Variants in NRCAM observed in about 807,000 individuals in gnomAD.
NRCAM encodes NgCAM-related cell adhesion molecule.
Under a neutral mutation model 156.5 loss-of-function variants are expected in NRCAM, and 83 were observed. That is an observed-to-expected ratio of 0.53 (90% CI 0.44 to 0.64). The LOEUF (loss-of-function observed/expected upper bound fraction) is 0.64. Among genes scored for constraint, NRCAM ranks in the 30% least tolerant of loss-of-function variants. NRCAM has a pLI of 0.00. For missense variants in NRCAM, 1,417 were observed against 1,597.3 expected, an observed-to-expected ratio of 0.89 and a Z score of 1.92; for synonymous variants, 538 against 563.9, an observed-to-expected ratio of 0.95 and a Z score of 0.65.
At chr7:108,383,138 T>TCACACACACACA (rs1554584665) in intron 2 of NRCAM, among the ~76,000 whole-genome samples, 1 of 113,644 alleles carries the variant, frequency 8.8e-6, no homozygotes, top group Non-Finnish European at 1.8e-5. Flanking sequence ...ACACACGCTC[T>TCACACACACACA]CACACACACA....
At chr7:108,293,824 A>G (rs1289140420) in intron 3 of NRCAM, among the ~76,000 whole-genome samples, 1 of 152,208 alleles carries the variant, frequency 6.6e-6, no homozygotes, top group African/African-American at 2.4e-5. Context: ...ATAAGATCAC[A>G]TTATTACTGT....
At chr7:108,198,168 G>C in intron 13 of NRCAM, 69 bp from the exon 14 acceptor site, 1 of 1,287,732 alleles carries the variant, frequency 7.8e-7, no homozygotes, top group African/African-American at 1.5e-5. Flanking sequence ...AGCTTGTAAA[G>C]TCAGTAGGAC....
intron 8 of NRCAM, 152 bp from the exon 9 acceptor site, chr7:108,226,530 TA>T (rs3078782): frequency 0.36 from 138,326 of 386,470 alleles, 14,792 homozygotes; most frequent in East Asian, 0.51. Flanking sequence ...CAAATAACTG[TA>T]AAAAAAAAAA....
At chr7:108,217,431 A>G (rs2089869438) in intron 11 of NRCAM, among the ~76,000 whole-genome samples, 1 of 152,236 alleles carries the variant, frequency 6.6e-6, no homozygotes, top group African/African-American at 2.4e-5. Flanking sequence ...TCTCTCCCTT[A>G]GCAGAGCTCG....
At chr7:108,330,886 T>C (rs959346197) in intron 2 of NRCAM, among the ~76,000 whole-genome samples, 3 of 152,214 alleles carry the variant, frequency 2.0e-5, no homozygotes, top group Non-Finnish European at 4.4e-5. Context: ...CACCAAAATG[T>C]ACACGCAGCT....
intron 3 of NRCAM, among the ~76,000 whole-genome samples, chr7:108,246,139 C>G (rs1344398619): frequency 6.6e-6 from 1 of 152,130 alleles, no homozygotes; most frequent in Non-Finnish European, 1.5e-5. Context: ...TCTTTGCAAA[C>G]GAAAGGGAAT....
intron 3 of NRCAM, among the ~76,000 whole-genome samples, chr7:108,303,163 T>C (rs548867091): frequency 2.8e-4 from 43 of 152,064 alleles, no homozygotes; most frequent in Non-Finnish European, 5.4e-4. Flanking sequence ...GGTTTCACCA[T>C]GTTGGCCAGG....
Position 108,234,661 on chromosome 7 carries a change from T to G in NRCAM, c.152A>C (p.Gln51Pro). The change falls in exon 6 of 33, where the codon CAG becomes CCG. Residue 51 changes from glutamine to proline, a missense_variant. This residue lies in a region of NRCAM where 1,238 missense variants were observed against 1,336.4 expected (regional missense o/e 0.93). Transcript: ENST00000379028. ...GTCAATAATGTAATCTTTTGGAGAC[T>G]GTTGGGTGATGGTTGGAGGCTGTAC... ...DLVQPPTITQQSPKDYIIDPR... is the reference protein window; with the variant it reads ...DLVQPPTITQPSPKDYIIDPR... 6.2e-7 allele frequency: 1 copy of G among 1,611,784 alleles called. No individual in the cohort carries two copies. Among genetic ancestry groups the G allele is most frequent in the Non-Finnish European group, 8.5e-7 (1 of 1,178,290 alleles).
chr7:108,350,559 A>G (rs1005197695), intron 2 of NRCAM, among the ~76,000 whole-genome samples: 2 of 152,186 alleles, frequency 1.3e-5, no homozygotes, highest in Admixed American at 1.3e-4. Flanking sequence ...CGAAGCTTGC[A>G]GTAGGATTGG....
chr7:108,259,296 T>C (rs1259145000), intron 3 of NRCAM, among the ~76,000 whole-genome samples: 1 of 152,188 alleles, frequency 6.6e-6, no homozygotes, highest in African/African-American at 2.4e-5. Flanking sequence ...AATGAACTGT[T>C]GAATAATTGG....
At chr7:108,191,917 A>T (rs2071928542) in intron 17 of NRCAM, 64 bp from the exon 18 acceptor site, 1 of 1,525,230 alleles carries the variant, frequency 6.6e-7, no homozygotes, top group Non-Finnish European at 8.8e-7. Context: ...TAATTGCTTC[A>T]CTGGCAGGAA....
At chr7:108,160,577 C>T (rs1328878307) in intron 30 of NRCAM, 85 bp from the exon 31 acceptor site, 37 of 1,228,992 alleles carry the variant, frequency 3.0e-5, no homozygotes, top group South Asian at 1.3e-4. Flanking sequence ...AAAATTGCCA[C>T]GTTATGTGAG....
intron 3 of NRCAM, among the ~76,000 whole-genome samples, chr7:108,250,363 T>G (rs1215292250): frequency 6.9e-6 from 1 of 144,094 alleles, no homozygotes; most frequent in African/African-American, 2.6e-5. Flanking sequence ...GAGGCAAAGG[T>G]TGCAGTGAGC....
chr7:108,399,949 C>T (rs1251291117), intron 1 of NRCAM, among the ~76,000 whole-genome samples: 1 of 152,182 alleles, frequency 6.6e-6, no homozygotes, highest in Non-Finnish European at 1.5e-5. Flanking sequence ...TGGGAATACA[C>T]CGTGCTCTAT....
intron 2 of NRCAM, among the ~76,000 whole-genome samples, chr7:108,326,610 A>T (rs997026568): frequency 6.6e-5 from 10 of 152,232 alleles, no homozygotes; most frequent in Non-Finnish European, 1.5e-4. Flanking sequence ...GAAGAGCAAG[A>T]AAATTCAGAA....
At chr7:108,349,423 C>G (rs1341574808) in intron 2 of NRCAM, among the ~76,000 whole-genome samples, 1 of 151,990 alleles carries the variant, frequency 6.6e-6, no homozygotes, top group Non-Finnish European at 1.5e-5. Context: ...CGCCTGCCAC[C>G]ACGCCCTGCT....
intron 2 of NRCAM, among the ~76,000 whole-genome samples, chr7:108,371,811 G>A (rs1358884522): frequency 6.6e-6 from 1 of 152,034 alleles, no homozygotes; most frequent in East Asian, 1.9e-4. Flanking sequence ...GTGATCTACA[G>A]ATTCAATACA....
chr7:108,202,534 G>A (rs940826398), intron 13 of NRCAM, among the ~76,000 whole-genome samples: 5 of 152,172 alleles, frequency 3.3e-5, no homozygotes, highest in Admixed American at 1.3e-4. Context: ...TTCCTGGAAC[G>A]TGAACATTTG....
At chr7:108,435,982 A>C (rs1445971257) in intron 1 of NRCAM, among the ~76,000 whole-genome samples, 2 of 152,146 alleles carry the variant, frequency 1.3e-5, no homozygotes, top group Admixed American at 6.5e-5. Context: ...AATACAAAAA[A>C]AATTAGCCGG....
Sources: allele counts gnomAD v4.1 joint callset (sites outside exome capture counted in the v4.1 genomes callset), GRCh38; gene constraint gnomAD v4.1.1; regional missense constraint gnomAD v4.1.1; transcripts MANE v1.5; gene names NCBI Gene and HGNC (gene_info 2026-07-23, HGNC 2026-07-21).